Variants in C8B observed in about 807,000 individuals in gnomAD.
C8B encodes complement C8 beta chain, also known as complement component C8 beta chain.
A neutral mutation model predicts 64.6 loss-of-function variants in C8B; 67 were observed. The observed-to-expected ratio is 1.04, with a 90% confidence interval of 0.85 to 1.27. The LOEUF (loss-of-function observed/expected upper bound fraction) is 1.27, where lower values mean the gene tolerates loss of function less well. Among genes scored for constraint, C8B ranks in the 50% most tolerant of loss-of-function variants. The pLI, the probability that C8B is intolerant of heterozygous loss-of-function variation, is 0.00. For synonymous variants in C8B, 284 were observed against 257.7 expected, an observed-to-expected ratio of 1.10 and a Z score of -0.98; for missense variants, 790 against 725.2, an observed-to-expected ratio of 1.09 and a Z score of -1.03.
chr1:56,957,620 A>T (rs555571362), intron 2 of C8B, among the ~76,000 whole-genome samples: 1 of 152,180 alleles, frequency 6.6e-6, no homozygotes, highest in Non-Finnish European at 1.5e-5. Flanking sequence ...ATATTGCTAT[A>T]TCTCTACCAT....
chr1:56,954,951 G>T, intron 3 of C8B, 124 bp from the exon 4 acceptor site: 1 of 1,096,570 alleles, frequency 9.1e-7, no homozygotes, highest in Non-Finnish European at 1.4e-6. Context: ...GTTTTAATTA[G>T]TCATCCTGTA....
chr1:56,947,021 C>T (rs980237563), intron 6 of C8B, among the ~76,000 whole-genome samples: 1 of 152,204 alleles, frequency 6.6e-6, no homozygotes, highest in Non-Finnish European at 1.5e-5. Flanking sequence ...TAAGCAGTCA[C>T]TAGGTACTCT....
At chr1:56,957,003 T>G in intron 2 of C8B, 93 bp from the exon 3 acceptor site, 7 of 1,435,240 alleles carry the variant, frequency 4.9e-6, no homozygotes, top group Non-Finnish European at 6.8e-6. Flanking sequence ...GAGCCAGGAT[T>G]TGGGCTTCAC....
chr1:56,954,592 CCTCTGTTT>C, intron 4 of C8B, 86 bp downstream of exon 4: 5 of 1,513,558 alleles, frequency 3.3e-6, no homozygotes, highest in Non-Finnish European at 4.6e-6. Context: ...TGAGTGAGGA[CCTCTGTTT>C]ATATCAGTTC....
chr1:56,933,987 C>A (rs1344844758), intron 9 of C8B, among the ~76,000 whole-genome samples: 1 of 152,170 alleles, frequency 6.6e-6, no homozygotes, highest in East Asian at 1.9e-4. Context: ...CTATCAAAAT[C>A]ATTCCCATCC....
At chr1:56,949,532 A>T in intron 6 of C8B, 23 bp downstream of exon 6, 2 of 1,596,390 alleles carry the variant, frequency 1.3e-6, no homozygotes, top group Non-Finnish European at 8.6e-7. Context: ...ATATACGTTT[A>T]AAAGCAACAA....
chr1:56,962,842 T>C (rs548405170), intron 1 of C8B, among the ~76,000 whole-genome samples: 23 of 152,376 alleles, frequency 1.5e-4, no homozygotes, highest in African/African-American at 5.5e-4. Flanking sequence ...TAGTATTGCT[T>C]GTGTGTGCTT....
intron 9 of C8B, among the ~76,000 whole-genome samples, chr1:56,937,574 T>G (rs1033824979): frequency 6.6e-6 from 1 of 152,174 alleles, no homozygotes. Context: ...CTATCCTGAC[T>G]AGCATAGAAA....
intron 7 of C8B, among the ~76,000 whole-genome samples, chr1:56,945,242 T>C (rs1035541380): frequency 3.9e-5 from 6 of 152,092 alleles, no homozygotes; most frequent in Non-Finnish European, 7.4e-5. Flanking sequence ...ATGGTGGTAA[T>C]AGGAAAAATA....
chr1:56,933,270 G>C, intron 10 of C8B, 65 bp downstream of exon 10: 1 of 1,374,610 alleles, frequency 7.3e-7, no homozygotes, highest in Non-Finnish European at 1.0e-6. Flanking sequence ...CAGGCAAATG[G>C]CTGGCCCCCG....
intron 8 of C8B, among the ~76,000 whole-genome samples, chr1:56,943,104 A>AT (rs1644888945): frequency 6.6e-6 from 1 of 151,786 alleles, no homozygotes; most frequent in African/African-American, 2.4e-5. Context: ...TAAAAAATAA[A>AT]TAAAAAAAAG....
chr1:56,944,820 G>A (rs901608007), intron 7 of C8B, among the ~76,000 whole-genome samples: 1 of 152,200 alleles, frequency 6.6e-6, no homozygotes, highest in African/African-American at 2.4e-5. Context: ...CCTCTTGCAA[G>A]TACATGGACT....
At chr1:56,941,747 A>G (rs997436381) in intron 8 of C8B, among the ~76,000 whole-genome samples, 2 of 152,226 alleles carry the variant, frequency 1.3e-5, no homozygotes, top group Non-Finnish European at 2.9e-5. Flanking sequence ...ATAAAGATAA[A>G]TTTTAAACAA....
chr1:56,964,872 A>C (rs1645229928), intron 1 of C8B, among the ~76,000 whole-genome samples: 1 of 152,150 alleles, frequency 6.6e-6, no homozygotes, highest in Non-Finnish European at 1.5e-5. Context: ...CTGTGTACAC[A>C]CAGTACACAC....
chr1:56,941,412 G>A (rs1644853079), intron 8 of C8B, among the ~76,000 whole-genome samples: 2 of 152,012 alleles, frequency 1.3e-5, no homozygotes, highest in African/African-American at 4.8e-5. Context: ...TAGGTAAGTA[G>A]GTAGATAGGT....
chr1:56,929,628 G>A (rs1644667464), intron 11 of C8B, 70 bp from the exon 12 acceptor site: 6 of 1,502,314 alleles, frequency 4.0e-6, no homozygotes, highest in Non-Finnish European at 5.5e-6. Context: ...GGGGTTGGGT[G>A]AGCTATGTAA....
At chr1:56,963,435 G>T (rs1645206571) in intron 1 of C8B, among the ~76,000 whole-genome samples, 1 of 152,136 alleles carries the variant, frequency 6.6e-6, no homozygotes, top group Non-Finnish European at 1.5e-5. Context: ...CAGCTTCTAG[G>T]TGGCAGGTTT....
intron 3 of C8B, among the ~76,000 whole-genome samples, chr1:56,956,123 A>T (rs1191837958): frequency 1.3e-5 from 2 of 152,126 alleles, no homozygotes; most frequent in African/African-American, 2.4e-5. Context: ...GGACTTAGTG[A>T]TGCAGAAATG....
intron 5 of C8B, 22 bp from the exon 6 acceptor site, chr1:56,949,774 G>A: frequency 6.4e-7 from 1 of 1,554,838 alleles, no homozygotes; most frequent in Admixed American, 1.7e-5. Context: ...AAAAGAAAGG[G>A]TTTTTTATTT....
Sources: allele counts gnomAD v4.1 joint callset (sites outside exome capture counted in the v4.1 genomes callset), GRCh38; gene constraint gnomAD v4.1.1; transcripts MANE v1.5; gene names NCBI Gene and HGNC (gene_info 2026-07-23, HGNC 2026-07-21).